Variants in ENPP3 observed in about 807,000 individuals in gnomAD.
The protein encoded by ENPP3 is ectonucleotide pyrophosphatase/phosphodiesterase family member 3.
ENPP3 carries 104 observed loss-of-function variants against 117.8 expected under a neutral mutation model. The observed-to-expected ratio is 0.88, with a 90% CI of 0.75 to 1.04. ENPP3 has a LOEUF of 1.04. Among genes scored for constraint, ENPP3 ranks in the 50% least tolerant of loss-of-function variants. The probability of loss-of-function intolerance (pLI) is 0.00; values close to 1 mark genes in which losing one functional copy is unlikely to be tolerated. For synonymous variants in ENPP3, 380 were observed against 349.9 expected, an observed-to-expected ratio of 1.09 and a Z score of -0.96; for missense variants, 1,026 against 1,051.9, an observed-to-expected ratio of 0.98 and a Z score of 0.34.
At chr6:131,709,723 G>GTC in intron 15 of ENPP3, 4 of 1,613,892 alleles carry the variant, frequency 2.5e-6, no homozygotes, top group Non-Finnish European at 3.4e-6. Flanking sequence ...CTTTCTATAG[G>GTC]TCTCCAGCTC....
At chr6:131,654,811 T>G (rs1002835223) in intron 5 of ENPP3, among the ~76,000 whole-genome samples, 7 of 152,194 alleles carry the variant, frequency 4.6e-5, no homozygotes, top group Non-Finnish European at 1.0e-4. Flanking sequence ...CCTGTTTTTT[T>G]CCCATGCTGC....
intron 18 of ENPP3, among the ~76,000 whole-genome samples, chr6:131,723,695 A>G (rs1446548091): frequency 2.0e-5 from 3 of 152,194 alleles, no homozygotes; most frequent in Non-Finnish European, 2.9e-5. Flanking sequence ...AAGTGATTGT[A>G]TGCATATTAA....
intron 23 of ENPP3, among the ~76,000 whole-genome samples, chr6:131,739,168 C>CCA (rs1780468412): frequency 6.6e-6 from 1 of 152,196 alleles, no homozygotes; most frequent in Non-Finnish European, 1.5e-5. Flanking sequence ...AGTGGTAAAG[C>CCA]CAGAATATGA....
intron 15 of ENPP3, among the ~76,000 whole-genome samples, chr6:131,713,093 A>G (rs1779821592): frequency 7.6e-6 from 1 of 131,480 alleles, no homozygotes; most frequent in South Asian, 2.3e-4. Flanking sequence ...GTGATAGTGA[A>G]TAAGTCTCAT....
chr6:131,663,785 G>A (rs1366961155), intron 6 of ENPP3, among the ~76,000 whole-genome samples: 2 of 151,886 alleles, frequency 1.3e-5, no homozygotes, highest in Non-Finnish European at 2.9e-5. Flanking sequence ...GGTGATGCTG[G>A]TGAAGACAAA....
intron 2 of ENPP3, among the ~76,000 whole-genome samples, chr6:131,648,800 G>A (rs773403144): frequency 6.6e-6 from 1 of 152,138 alleles, no homozygotes; most frequent in Admixed American, 6.5e-5. Context: ...TGCATAGCAA[G>A]GAGAAATGAT....
At chr6:131,729,664 T>C (rs1780233787) in intron 20 of ENPP3, among the ~76,000 whole-genome samples, 1 of 152,114 alleles carries the variant, frequency 6.6e-6, no homozygotes, top group African/African-American at 2.4e-5. Context: ...GTGGTGGTGG[T>C]GGTTCACTAA....
In ENPP3 at chr6:131,683,019, C is replaced by A. The variant is rs530537601; in HGVS notation, c.1012-35C>A. ...AACGGTTTGGCTAATTAAGACAACT[C>A]ATTACGACAATCTTAACTCCAAATT... On this transcript the variant is annotated intron_variant, in intron 11 of 24. Transcript: ENST00000357639. 240 of 1,255,286 alleles carry A rather than the reference C, an allele frequency of 1.9e-4. 2 individuals are homozygous for A. The South Asian group carries it at 2.7e-3, about 14-fold the overall frequency. The allele number at this position is 1,255,286 out of a possible 1,614,324, so 77.8% of individuals were successfully genotyped here. A position where few individuals can be genotyped will look rare whatever the true frequency, so the allele number is the denominator to read the frequency against.
chr6:131,700,689 C>T lies in ENPP3; in HGVS notation c.1412+7065C>T, dbSNP rs780154309. 5 of 1,559,478 alleles carry T rather than the reference C, an allele frequency of 3.2e-6. 2 individuals carry two copies. Among genetic ancestry groups the T allele is most frequent in the African/African-American group, 3.7e-5 (2 of 54,702 alleles). On this transcript the variant is annotated intron_variant, in intron 15 of 24. Transcript: ENST00000357639. ...CACACAGAGGTGGGAGAAGCAGGTGCGGAAGGCTTTCCTCTGAACTTCCCT... is the reference window on the plus strand; with the variant it reads ...CACACAGAGGTGGGAGAAGCAGGTGTGGAAGGCTTTCCTCTGAACTTCCCT...
chr6:131,659,294 A>ATT (rs72017051), intron 6 of ENPP3, among the ~76,000 whole-genome samples: 1 of 151,240 alleles, frequency 6.6e-6, no homozygotes, highest in South Asian at 2.1e-4. Flanking sequence ...TTTAATAATA[A>ATT]TTTTTTTTTA....
intron 10 of ENPP3, among the ~76,000 whole-genome samples, chr6:131,677,345 T>C (rs1440264974): frequency 2.0e-5 from 3 of 152,044 alleles, no homozygotes; most frequent in Non-Finnish European, 4.4e-5. Context: ...CAGAGGCAAA[T>C]ATCACAGAAC....
rs76092737 is a variant in ENPP3 at position 131,693,465 on chromosome 6, G to A, written c.1285-32G>A. 4.0e-4 allele frequency: 639 copies of A among 1,584,528 alleles called. 4 individuals are homozygous for A. The East Asian group carries it at 0.011, about 26-fold the overall frequency. On this transcript the variant is annotated intron_variant, in intron 14 of 24. Coordinates refer to ENST00000357639, the MANE Select transcript of ENPP3 (RefSeq NM_005021.5). ...TTTAAAATTAATTTGCATATCTTAT[G>A]TATCATAAAGAAATATTTACTTGCT...
chr6:131,676,339 C>T (rs1256621414), intron 9 of ENPP3, among the ~76,000 whole-genome samples: 1 of 149,936 alleles, frequency 6.7e-6, no homozygotes, highest in Non-Finnish European at 1.5e-5. Context: ...TGGTACTTGT[C>T]TTCCTGCATT....
intron 3 of ENPP3, among the ~76,000 whole-genome samples, chr6:131,651,212 A>G (rs1174365981): frequency 6.6e-6 from 1 of 152,078 alleles, no homozygotes. Flanking sequence ...GGGCCACTCC[A>G]CCCAGCCTCG....
intron 17 of ENPP3, among the ~76,000 whole-genome samples, chr6:131,721,684 A>T (rs1425343509): frequency 1.3e-5 from 2 of 151,754 alleles, no homozygotes; most frequent in Non-Finnish European, 2.9e-5. Context: ...TCCATTTTTT[A>T]AAAGTGTCTA....
At chr6:131,695,748 T>A (rs2114459109) in intron 15 of ENPP3, among the ~76,000 whole-genome samples, 1 of 151,998 alleles carries the variant, frequency 6.6e-6, no homozygotes. Flanking sequence ...ACCCCATCTC[T>A]ACTAAAAAAA....
At chr6:131,641,401 A>G in intron 1 of ENPP3, 54 bp from the exon 2 acceptor site, 1 of 1,165,582 alleles carries the variant, frequency 8.6e-7, no homozygotes, top group South Asian at 1.3e-5. Context: ...GGTTATTTGT[A>G]TCTTTGTAAT....
At chr6:131,737,751 A>G (rs900546730) in intron 22 of ENPP3, among the ~76,000 whole-genome samples, 8 of 152,178 alleles carry the variant, frequency 5.3e-5, no homozygotes, top group South Asian at 2.1e-4. Flanking sequence ...TGTTCTGATC[A>G]TTTTTAACAC....
chr6:131,674,249 C>T lies in ENPP3; in HGVS notation c.730C>T (p.Gln244Ter). Residue 244 changes from glutamine to a stop codon, truncating the protein, a stop_gained, in exon 8 of 25, where the codon CAA (glutamine) becomes TAA (stop). Coordinates refer to ENST00000357639, the MANE Select transcript of ENPP3 (RefSeq NM_005021.5). LOFTEE classifies it high-confidence loss of function. Reference sequence around the variant, plus strand: ...GAATTTTTCACTTTCTTCAAAGGAACAAAATAATCCAGCCTGGTGGCATGG... The same window carrying T: ...GAATTTTTCACTTTCTTCAAAGGAATAAAATAATCCAGCCTGGTGGCATGG... Reference protein sequence around the residue: ...NKNFSLSSKEQNNPAWWHGQP... With the variant: ...NKNFSLSSKE The T allele has an allele frequency of 1.2e-6, 2 of 1,613,274 alleles. No individual in the cohort carries two copies. Among genetic ancestry groups the T allele is most frequent in the East Asian group, 2.2e-5 (1 of 44,834 alleles).
Sources: gnomAD v4.1 joint callset for allele counts (sites outside exome capture counted in the v4.1 genomes callset) on GRCh38, gnomAD v4.1.1 for gene constraint, MANE v1.5 for transcripts, NCBI Gene and HGNC (gene_info 2026-07-23, HGNC 2026-07-21) for gene names.